TJP1: variants seen among roughly 807,000 people sequenced by gnomAD.
TJP1 encodes tight junction protein ZO-1.
Under a neutral mutation model 194.2 loss-of-function variants are expected in TJP1, and 43 were observed. That is an observed-to-expected ratio of 0.22 (90% CI 0.17 to 0.29). The LOEUF is 0.29. TJP1 is among the 10% of genes least tolerant of loss of function. The pLI is 1.00. For synonymous variants in TJP1, 801 were observed against 779.0 expected (o/e 1.03, Z -0.47); for missense variants, 1,971 against 2,185.7 (o/e 0.90, Z 1.96).
intron 9 of TJP1, 139 bp from the exon 10 acceptor site, chr15:29,741,575 T>A: frequency 3.3e-6 from 2 of 599,342 alleles, no homozygotes; most frequent in Non-Finnish European, 5.9e-6. Context: ...GTACATTTTA[T>A]AGTAATAAAT....
intron 2 of TJP1, among the ~76,000 whole-genome samples, chr15:29,776,375 C>T (rs767984129): frequency 1.3e-5 from 2 of 152,052 alleles, no homozygotes; most frequent in African/African-American, 2.4e-5. Flanking sequence ...TGTAACAAAC[C>T]CTGTAAGTAT....
intron 2 of TJP1, among the ~76,000 whole-genome samples, chr15:29,798,391 G>A (rs781196909): frequency 2.0e-5 from 3 of 151,802 alleles, no homozygotes; most frequent in Admixed American, 1.3e-4. Context: ...GAATATTTGC[G>A]TTATACTTAC....
chr15:29,851,829 A>G (rs923162057), intron 2 of TJP1, among the ~76,000 whole-genome samples: 2 of 152,178 alleles, frequency 1.3e-5, no homozygotes, highest in African/African-American at 4.8e-5. Context: ...TTCTACCTAT[A>G]TCATATATGT....
intron 2 of TJP1, among the ~76,000 whole-genome samples, chr15:29,858,582 CA>C (rs2051952243): frequency 6.6e-6 from 1 of 151,980 alleles, no homozygotes; most frequent in Non-Finnish European, 1.5e-5. Context: ...CTCACTCTGT[CA>C]ATCAGGCTGG....
At chr15:29,894,185 G>A (rs888687886) in intron 2 of TJP1, among the ~76,000 whole-genome samples, 7 of 152,288 alleles carry the variant, frequency 4.6e-5, no homozygotes, top group South Asian at 2.1e-4. Flanking sequence ...TTGGCCAGGC[G>A]TGGTGGCTCA....
chr15:29,790,016 C>T (rs1463616593), intron 2 of TJP1, among the ~76,000 whole-genome samples: 1 of 152,116 alleles, frequency 6.6e-6, no homozygotes, highest in African/African-American at 2.4e-5. Flanking sequence ...TCCCTCTTTA[C>T]AATAAAACCT....
chr15:29,784,330 G>A (rs188876898), intron 2 of TJP1, among the ~76,000 whole-genome samples: 126 of 151,756 alleles, frequency 8.3e-4, no homozygotes, highest in Non-Finnish European at 1.4e-3. Context: ...ACAGAGTTTC[G>A]CTCTTCTCCT....
At chr15:29,924,937 T>A (rs753140040) in intron 2 of TJP1, among the ~76,000 whole-genome samples, 41 of 152,340 alleles carry the variant, frequency 2.7e-4, no homozygotes, top group Non-Finnish European at 4.7e-4. Context: ...TAGCTTTTGC[T>A]GAAATGCTGG....
intron 1 of TJP1, among the ~76,000 whole-genome samples, chr15:29,817,736 A>AAAATTCTGACTGC (rs2050026455): frequency 6.6e-6 from 1 of 152,206 alleles, no homozygotes; most frequent in South Asian, 2.1e-4. Context: ...ACACCAGAAC[A>AAAATTCTGACTGC]GAAAACCAAA....
intron 2 of TJP1, among the ~76,000 whole-genome samples, chr15:29,953,113 T>C (rs1211670683): frequency 1.1e-4 from 17 of 149,472 alleles, no homozygotes; most frequent in African/African-American, 4.2e-4. Flanking sequence ...GTAGCCCCCC[T>C]CTTCCTTCTT....
At chr15:29,865,048 C>T (rs1021773997) in intron 2 of TJP1, among the ~76,000 whole-genome samples, 3 of 152,096 alleles carry the variant, frequency 2.0e-5, no homozygotes, top group African/African-American at 4.8e-5. Context: ...AAACCACGAA[C>T]GTTCCTGTGA....
chr15:29,896,213 C>T (rs935351608), intron 2 of TJP1, among the ~76,000 whole-genome samples: 1 of 152,138 alleles, frequency 6.6e-6, no homozygotes, highest in Admixed American at 6.5e-5. Flanking sequence ...GGAGGAACCC[C>T]AGTGGGAGGT....
At chr15:29,731,008 G>C (rs2043607815) in intron 15 of TJP1, 4 of 1,250,562 alleles carry the variant, frequency 3.2e-6, no homozygotes, top group Non-Finnish European at 4.6e-6. Flanking sequence ...TTTGATAACT[G>C]TGTATTTCTG....
At chr15:29,936,277 A>C (rs889889057) in intron 2 of TJP1, among the ~76,000 whole-genome samples, 8 of 152,178 alleles carry the variant, frequency 5.3e-5, no homozygotes, top group Non-Finnish European at 1.0e-4. Context: ...GCACATGTTA[A>C]AAATTAAAGA....
intron 2 of TJP1, among the ~76,000 whole-genome samples, chr15:29,919,654 C>A (rs1455728635): frequency 6.6e-6 from 1 of 152,036 alleles, no homozygotes; most frequent in African/African-American, 2.4e-5. Context: ...GGGAGAGAGC[C>A]CTGGGCATTT....
At chr15:29,833,881 A>ATATATTTTTTTTTTTTTTTTTTTT (rs1555434000) in intron 2 of TJP1, among the ~76,000 whole-genome samples, 2 of 12,618 alleles carry the variant, frequency 1.6e-4, no homozygotes, top group Non-Finnish European at 2.7e-4. Context: ...ATATATATAT[A>ATATATTTTTTTTTTTTTTTTTTTT]TTTTTTTTTT....
intron 2 of TJP1, among the ~76,000 whole-genome samples, chr15:29,877,438 G>A (rs4780266): frequency 0.34 from 52,090 of 151,706 alleles, 10,128 homozygotes; most frequent in African/African-American, 0.52. Flanking sequence ...GCTGGTCTCA[G>A]ACTCCTGGGC....
intron 2 of TJP1, among the ~76,000 whole-genome samples, chr15:29,842,580 G>C (rs1286924925): frequency 6.6e-6 from 1 of 152,120 alleles, no homozygotes; most frequent in Non-Finnish European, 1.5e-5. Context: ...AGAGACATGG[G>C]GAGACCATGC....
At chr15:29,962,683 C>T (rs2056201295) in intron 1 of TJP1, among the ~76,000 whole-genome samples, 2 of 152,172 alleles carry the variant, frequency 1.3e-5, no homozygotes, top group Admixed American at 6.5e-5. Context: ...GATGCTAAAT[C>T]CTTCTGAAGG....
Sources: allele counts gnomAD v4.1 joint callset (sites outside exome capture counted in the v4.1 genomes callset), GRCh38; gene constraint gnomAD v4.1.1; transcripts MANE v1.5; gene names NCBI Gene and HGNC (gene_info 2026-07-23, HGNC 2026-07-21).